Variants in MTHFD2L observed in about 807,000 individuals in gnomAD.
MTHFD2L encodes methylenetetrahydrofolate dehydrogenase (NADP+ dependent) 2 like.
Under a neutral mutation model 34.9 loss-of-function variants are expected in MTHFD2L, and 29 were observed. The ratio of observed to expected loss-of-function variants is 0.83; its 90% CI spans 0.62 to 1.13. The LOEUF (loss-of-function observed/expected upper bound fraction) is 1.13, where lower values mean the gene tolerates loss of function less well. Among genes scored for constraint, MTHFD2L ranks in the 50% most tolerant of loss-of-function variants. The pLI, the probability that MTHFD2L is intolerant of heterozygous loss-of-function variation, is 0.00. For missense variants in MTHFD2L, 481 were observed against 446.5 expected, an observed-to-expected ratio of 1.08 and a Z score of -0.70; for synonymous variants, 167 against 155.7, an observed-to-expected ratio of 1.07 and a Z score of -0.54.
intron 6 of MTHFD2L, among the ~76,000 whole-genome samples, chr4:74,256,462 C>T (rs1744041402): frequency 6.6e-6 from 1 of 152,074 alleles, no homozygotes; most frequent in Non-Finnish European, 1.5e-5. Context: ...GTCATAAATT[C>T]CTTCCCAAGG....
intron 5 of MTHFD2L, among the ~76,000 whole-genome samples, chr4:74,206,266 AGTAAAT>A (rs1735295831): frequency 6.6e-6 from 1 of 152,138 alleles, no homozygotes; most frequent in Non-Finnish European, 1.5e-5. Flanking sequence ...AATTGGGTGG[AGTAAAT>A]GTCTGTGTGT....
upstream of MTHFD2L, among the ~76,000 whole-genome samples, chr4:74,125,030 A>G (rs1381172894): frequency 6.6e-6 from 1 of 152,202 alleles, no homozygotes; most frequent in Non-Finnish European, 1.5e-5. Context: ...TCTGAATTCC[A>G]GAGCAATACT....
chr4:74,272,050 G>A lies in MTHFD2L; in HGVS notation c.806-9375G>A, dbSNP rs143766706. 9.2e-5 allele frequency among the ~76,000 whole-genome samples: 14 copies of A among 152,240 alleles called. No homozygotes were observed. The East Asian group carries it at 2.7e-3, about 29-fold the overall frequency. ...CAAAGTTTTACCCACAAAAATTCTG[G>A]CATCGCTTTGATATCTTCAATTTGG... On this transcript the variant is annotated intron_variant, in intron 6 of 7. Transcript: ENST00000325278.
chr4:74,114,904 G>A (rs909431929), intron 2 of MTHFD2L, among the ~76,000 whole-genome samples: 4 of 152,154 alleles, frequency 2.6e-5, no homozygotes, highest in Admixed American at 2.0e-4. Flanking sequence ...CAAAAAGAAG[G>A]ATTATTAGCC....
intron 3 of MTHFD2L, among the ~76,000 whole-genome samples, chr4:74,188,678 GTA>G (rs58570332): frequency 0.041 from 3,551 of 85,940 alleles, 445 homozygotes; most frequent in African/African-American, 0.17. Context: ...GGTTTTATAG[GTA>G]TATATATATA....
intron 5 of MTHFD2L, among the ~76,000 whole-genome samples, chr4:74,222,128 A>G (rs2611754): frequency 0.94 from 143,091 of 152,098 alleles, 67,649 homozygotes; most frequent in Non-Finnish European, 0.99. Context: ...CATATTAGGC[A>G]GTCAACAAAC....
At chr4:74,191,415 A>G (rs1732487343) in intron 3 of MTHFD2L, among the ~76,000 whole-genome samples, 1 of 152,092 alleles carries the variant, frequency 6.6e-6, no homozygotes, top group Admixed American at 6.6e-5. Context: ...AACAAGAAAC[A>G]TGAATCTTTC....
upstream of MTHFD2L, chr4:74,157,063 T>C (rs978958749): frequency 3.3e-5 from 5 of 152,288 alleles, no homozygotes; most frequent in African/African-American, 9.6e-5. Context: ...CTTTTATGAA[T>C]TGTGATTTAA....
intron 3 of MTHFD2L, among the ~76,000 whole-genome samples, chr4:74,184,148 A>G (rs1272102892): frequency 1.3e-5 from 2 of 152,220 alleles, no homozygotes; most frequent in Non-Finnish European, 2.9e-5. Flanking sequence ...CTAAAGGAAT[A>G]TAGAACAATG....
intron 7 of MTHFD2L, among the ~76,000 whole-genome samples, chr4:74,293,074 C>G (rs2110314993): frequency 6.6e-6 from 1 of 151,522 alleles, no homozygotes; most frequent in South Asian, 2.1e-4. Flanking sequence ...ACTTTAAGCT[C>G]TAGGGTACAT....
chr4:74,279,173 A>G (rs1747096881), intron 6 of MTHFD2L, among the ~76,000 whole-genome samples: 1 of 152,098 alleles, frequency 6.6e-6, no homozygotes, highest in Non-Finnish European at 1.5e-5. Context: ...GGTAATCCAT[A>G]CAATTAATTA....
chr4:74,154,698 A>G (rs753983815), upstream of MTHFD2L, among the ~76,000 whole-genome samples: 1 of 152,064 alleles, frequency 6.6e-6, no homozygotes, highest in Non-Finnish European at 1.5e-5. Context: ...ATATTTCCTG[A>G]GCCTAGAATC....
At chr4:74,301,498 C>T (rs1258757243) in intron 7 of MTHFD2L, among the ~76,000 whole-genome samples, 199 bp from the exon 8 acceptor site, 1 of 151,570 alleles carries the variant, frequency 6.6e-6, no homozygotes, top group South Asian at 2.1e-4. Context: ...CCTTAGATAT[C>T]ATCCACAGAA....
chr4:74,133,962 A>G (rs1722731925), intron 1 of MTHFD2L, among the ~76,000 whole-genome samples: 1 of 152,202 alleles, frequency 6.6e-6, no homozygotes, highest in South Asian at 2.1e-4. Flanking sequence ...AAACATTCTG[A>G]GCAGATGGTA....
At position 74,240,537 on chromosome 4, in the gene MTHFD2L, A is replaced by G. The variant is rs538706116; in HGVS notation, c.805+15143A>G. ...GATGCAATGAAATTATATTTTAAAA[A>G]ACATTTGTATTCGATTATATTCATT... On this transcript the variant is annotated intron_variant, in intron 6 of 7. Coordinates refer to ENST00000325278, the MANE Select transcript of MTHFD2L (RefSeq NM_001144978.3). Among the ~76,000 whole-genome samples, 8 of 152,290 alleles carry G rather than the reference A, an allele frequency of 5.3e-5. No homozygotes were observed. In the East Asian group the frequency reaches 1.5e-3, roughly 29 times the overall value.
chr4:74,280,209 T>G (rs868490065), intron 6 of MTHFD2L: 4 of 152,074 alleles, frequency 2.6e-5, no homozygotes, highest in Non-Finnish European at 4.4e-5. Flanking sequence ...GTGATCTGAG[T>G]GGACTGTGTT....
At chr4:74,189,485 C>CCTTTTTTTTTTTTTTTTTTTT in intron 3 of MTHFD2L, among the ~76,000 whole-genome samples, 1 of 119,824 alleles carries the variant, frequency 8.3e-6, no homozygotes, top group Non-Finnish European at 1.6e-5. Context: ...GTTTTTCTTC[C>CCTTTTTTTTTTTTTTTTTTTT]TTTTTTTTTT....
intron 1 of MTHFD2L, among the ~76,000 whole-genome samples, chr4:74,170,781 TG>T (rs1727769235): frequency 6.6e-6 from 1 of 151,898 alleles, no homozygotes. Flanking sequence ...ATATACACCA[TG>T]GGCTACTATG....
chr4:74,128,075 T>C (rs1022701301), intron 1 of MTHFD2L, among the ~76,000 whole-genome samples: 2 of 152,152 alleles, frequency 1.3e-5, no homozygotes, highest in African/African-American at 4.8e-5. Flanking sequence ...TCAGATCTGT[T>C]GTCCGTTTTA....
Sources: gnomAD v4.1 joint callset for allele counts (sites outside exome capture counted in the v4.1 genomes callset) on GRCh38, gnomAD v4.1.1 for gene constraint, MANE v1.5 for transcripts, NCBI Gene and HGNC (gene_info 2026-07-23, HGNC 2026-07-21) for gene names.